P3H2: variants seen among roughly 807,000 people sequenced by gnomAD.
The protein encoded by P3H2 is prolyl 3-hydroxylase 2.
Under a neutral mutation model 87.0 loss-of-function variants are expected in P3H2, and 80 were observed. The observed-to-expected ratio is 0.92, with a 90% CI of 0.77 to 1.11. The LOEUF (loss-of-function observed/expected upper bound fraction) is 1.11, where lower values mean the gene tolerates loss of function less well. P3H2 is among the 50% of genes least tolerant of loss of function. The probability of loss-of-function intolerance (pLI) is 0.00; values close to 1 mark genes in which losing one functional copy is unlikely to be tolerated. For synonymous variants in P3H2, 367 were observed against 359.3 expected (o/e 1.02, Z -0.24); for missense variants, 1,001 against 923.9 (o/e 1.08, Z -1.08).
intron 1 of P3H2, among the ~76,000 whole-genome samples, chr3:190,037,339 A>C (rs1725457666): frequency 6.6e-6 from 1 of 152,184 alleles, no homozygotes. Context: ...TACTTTTAGA[A>C]TCTAGTATAA....
At chr3:190,070,132 T>C (rs1350145864) in intron 1 of P3H2, among the ~76,000 whole-genome samples, 1 of 152,160 alleles carries the variant, frequency 6.6e-6, no homozygotes, top group Non-Finnish European at 1.5e-5. Context: ...CATGAAGTCC[T>C]TATGAAGGCT....
intron 13 of P3H2, among the ~76,000 whole-genome samples, chr3:189,966,781 T>C (rs1309140906): frequency 2.0e-5 from 3 of 152,226 alleles, no homozygotes; most frequent in African/African-American, 7.2e-5. Flanking sequence ...AATGCCGCTA[T>C]TGAAAAGAAT....
chr3:190,050,143 T>TGGGGA (rs1432100658), intron 1 of P3H2, among the ~76,000 whole-genome samples: 2 of 152,222 alleles, frequency 1.3e-5, no homozygotes, highest in African/African-American at 4.8e-5. Context: ...ACAAAATTGC[T>TGGGGA]ACTTTCCAAA....
chr3:190,005,019 TCA>T (rs1724343511), intron 1 of P3H2, among the ~76,000 whole-genome samples: 1 of 145,730 alleles, frequency 6.9e-6, no homozygotes, highest in African/African-American at 2.8e-5. Flanking sequence ...TTGTCACAAA[TCA>T]TTTGTCAAAA....
intron 1 of P3H2, among the ~76,000 whole-genome samples, chr3:190,054,700 C>T (rs1726094247): frequency 6.6e-6 from 1 of 152,168 alleles, no homozygotes; most frequent in Non-Finnish European, 1.5e-5. Flanking sequence ...CATTCATCCA[C>T]ACCTTGTATC....
At chr3:190,082,514 G>T (rs559534599) in intron 1 of P3H2, among the ~76,000 whole-genome samples, 1 of 152,182 alleles carries the variant, frequency 6.6e-6, no homozygotes, top group South Asian at 2.1e-4. Flanking sequence ...ATCAAGTCAG[G>T]GTAATTGGGA....
chr3:190,052,305 T>A (rs116708729), intron 1 of P3H2, among the ~76,000 whole-genome samples: 1 of 152,116 alleles, frequency 6.6e-6, no homozygotes. Flanking sequence ...TATGTTCTAA[T>A]TTTTCAGCTC....
chr3:190,110,094 G>C (rs57088593), intron 1 of P3H2, among the ~76,000 whole-genome samples: 18,870 of 151,802 alleles, frequency 0.12, 1,303 homozygotes, highest in Middle Eastern at 0.21. Flanking sequence ...GGTGATCCAC[G>C]CTCCTCAGCC....
intron 1 of P3H2, among the ~76,000 whole-genome samples, chr3:190,100,729 A>G: frequency 6.9e-6 from 1 of 144,776 alleles, no homozygotes; most frequent in East Asian, 1.9e-4. Context: ...AGTTGGTATC[A>G]TCATGAAAGG....
chr3:190,110,408 G>A (rs1440828864), intron 1 of P3H2, among the ~76,000 whole-genome samples: 1 of 152,170 alleles, frequency 6.6e-6, no homozygotes, highest in Admixed American at 6.5e-5. Flanking sequence ...AACCCGGACT[G>A]AAATGCTTAT....
At chr3:190,052,022 C>T (rs147773340) in intron 1 of P3H2, among the ~76,000 whole-genome samples, 35 of 152,080 alleles carry the variant, frequency 2.3e-4, no homozygotes, top group African/African-American at 7.0e-4. Context: ...TTCCTGGTAA[C>T]GAATATCCTC....
Position 190,022,594 on chromosome 3 carries a change from C to A in P3H2, c.481-27152G>T, listed in dbSNP as rs547288957. 5.4e-4 allele frequency among the ~76,000 whole-genome samples: 73 copies of A among 134,418 alleles called. 7 individuals carry two copies. The highest frequency in any genetic ancestry group is 1.7e-3 in the African/African-American group (65 of 38,960). 88.2% of individuals were successfully genotyped at this position (134,418 alleles called of 152,430 possible). ...TAGTTAAATGCACATACACAAATTT[C>A]TCTATTTGCAAAGTTGGCAATTTAG... On this transcript the variant is annotated intron_variant, in intron 1 of 14. Coordinates refer to ENST00000319332, the MANE Select transcript of P3H2 (RefSeq NM_018192.4).
chr3:189,966,100 A>AAG (rs1422419436), intron 13 of P3H2, among the ~76,000 whole-genome samples: 2 of 128,200 alleles, frequency 1.6e-5, no homozygotes, highest in African/African-American at 4.0e-5. Context: ...GAAAGAAAGA[A>AAG]AGAAAAAAGA....
At chr3:190,098,432 G>A (rs571111332) in intron 1 of P3H2, among the ~76,000 whole-genome samples, 3 of 152,082 alleles carry the variant, frequency 2.0e-5, no homozygotes, top group South Asian at 2.1e-4. Context: ...ATAATTTTCC[G>A]TAGTTGCTAT....
At chr3:189,979,551 C>T (rs950837616) in intron 8 of P3H2, among the ~76,000 whole-genome samples, 1 of 152,122 alleles carries the variant, frequency 6.6e-6, no homozygotes, top group East Asian at 1.9e-4. Flanking sequence ...CACTGTGGAG[C>T]ATATCAGAAT....
intron 1 of P3H2, among the ~76,000 whole-genome samples, chr3:190,084,202 G>A (rs7630486): frequency 0.1 from 15,861 of 152,120 alleles, 2,235 homozygotes; most frequent in African/African-American, 0.32. Flanking sequence ...AGAATTTCCC[G>A]AATAATTTCT....
At chr3:189,982,056 C>T (rs940234604) in intron 8 of P3H2, among the ~76,000 whole-genome samples, 8 of 152,126 alleles carry the variant, frequency 5.3e-5, no homozygotes, top group African/African-American at 1.9e-4. Flanking sequence ...GTACAGCTTC[C>T]CAATGCAGCA....
intron 1 of P3H2, among the ~76,000 whole-genome samples, chr3:190,052,253 C>T (rs939019987): frequency 6.6e-6 from 1 of 151,962 alleles, no homozygotes; most frequent in African/African-American, 2.4e-5. Flanking sequence ...CCCCTCACCC[C>T]CCGACAAGCC....
chr3:189,990,475 C>T (rs572358300), intron 3 of P3H2, among the ~76,000 whole-genome samples: 117 of 151,852 alleles, frequency 7.7e-4, no homozygotes, highest in African/African-American at 2.6e-3. Context: ...AGATACCCAC[C>T]GAGAACTCAA....
Sources: gnomAD v4.1 joint callset for allele counts (sites outside exome capture counted in the v4.1 genomes callset) on GRCh38, gnomAD v4.1.1 for gene constraint, MANE v1.5 for transcripts, NCBI Gene and HGNC (gene_info 2026-07-23, HGNC 2026-07-21) for gene names.